Variants in WWOX observed in about 807,000 individuals in gnomAD.
The protein encoded by WWOX is WW domain-containing oxidoreductase.
In WWOX, 69 loss-of-function variants were observed where a neutral mutation model predicts 46.2. The ratio of observed to expected loss-of-function variants is 1.49; its 90% confidence interval spans 1.23 to 1.82. The LOEUF (loss-of-function observed/expected upper bound fraction) is 1.82. Ranked by LOEUF, WWOX falls within the 40% of genes most tolerant of loss-of-function variation. The probability of loss-of-function intolerance (pLI) is 0.00; values close to 1 mark genes in which losing one functional copy is unlikely to be tolerated. For synonymous variants in WWOX, 359 were observed against 202.6 expected (o/e 1.77, Z -6.56); for missense variants, 919 against 542.6 (o/e 1.69, Z -6.89).
chr16:79,043,800 TCTC>T (rs1331461457), intron 8 of WWOX, among the ~76,000 whole-genome samples: 5 of 152,194 alleles, frequency 3.3e-5, no homozygotes, highest in Non-Finnish European at 7.3e-5. Flanking sequence ...TTTGATCTCT[TCTC>T]TGCTAGCTTT....
intron 1 of WWOX, among the ~76,000 whole-genome samples, chr16:78,106,189 T>C (rs2032132073): frequency 6.6e-6 from 1 of 152,224 alleles, no homozygotes; most frequent in South Asian, 2.1e-4. Context: ...CTGCTTTTAA[T>C]GGCAGGCAAG....
intron 8 of WWOX, among the ~76,000 whole-genome samples, chr16:78,586,999 C>T (rs747892063): frequency 6.6e-6 from 1 of 152,038 alleles, no homozygotes; most frequent in African/African-American, 2.4e-5. Context: ...ATTCATGAGG[C>T]AATCTATTTG....
intron 8 of WWOX, among the ~76,000 whole-genome samples, chr16:79,210,874 T>C (rs1488816450): frequency 6.6e-6 from 1 of 152,216 alleles, no homozygotes; most frequent in Admixed American, 6.5e-5. Flanking sequence ...CTGCACTCTT[T>C]GCAACTTACA....
intron 8 of WWOX, among the ~76,000 whole-genome samples, chr16:78,617,901 A>G (rs561760416): frequency 1.3e-5 from 2 of 152,320 alleles, no homozygotes; most frequent in East Asian, 3.9e-4. Context: ...GCATCTTTTC[A>G]TGTGCACATT....
intron 6 of WWOX, among the ~76,000 whole-genome samples, chr16:78,388,453 C>T (rs144885767): frequency 6.6e-6 from 1 of 151,826 alleles, no homozygotes; most frequent in African/African-American, 2.4e-5. Flanking sequence ...CAAGACCATC[C>T]TGGCCAACAT....
intron 5 of WWOX, among the ~76,000 whole-genome samples, chr16:78,344,005 C>T (rs1047516659): frequency 8.4e-6 from 1 of 119,546 alleles, no homozygotes; most frequent in Non-Finnish European, 2.0e-5. Flanking sequence ...CATGCCGGCT[C>T]CTTCCTCCCA....
intron 8 of WWOX, among the ~76,000 whole-genome samples, chr16:78,556,085 C>A (rs1474375818): frequency 6.6e-6 from 1 of 151,980 alleles, no homozygotes; most frequent in African/African-American, 2.4e-5. Context: ...AAGATTCATT[C>A]ATTGTTCCAT....
At chr16:78,891,713 T>C (rs1378109901) in intron 8 of WWOX, 1 of 152,194 alleles carries the variant, frequency 6.6e-6, no homozygotes, top group Non-Finnish European at 1.5e-5. Context: ...TTTTCTAAAT[T>C]GGTCAAGAAA....
At chr16:79,136,856 C>T (rs561715213) in intron 8 of WWOX, among the ~76,000 whole-genome samples, 69 of 152,318 alleles carry the variant, frequency 4.5e-4, no homozygotes, top group Non-Finnish European at 8.2e-4. Flanking sequence ...TATGTGTAAT[C>T]ATATTTGTTA....
chr16:79,161,237 G>A (rs889125553), intron 8 of WWOX, among the ~76,000 whole-genome samples: 1 of 152,034 alleles, frequency 6.6e-6, no homozygotes, highest in Non-Finnish European at 1.5e-5. Flanking sequence ...GGCAAGTGAA[G>A]GTGGTTTCAA....
chr16:78,782,581 A>G (rs966475966), intron 8 of WWOX, among the ~76,000 whole-genome samples: 5 of 152,124 alleles, frequency 3.3e-5, no homozygotes. Context: ...CACCAGCCAA[A>G]GAGGATTCCA....
intron 8 of WWOX, among the ~76,000 whole-genome samples, chr16:78,699,205 C>T (rs1378160642): frequency 6.6e-6 from 1 of 152,186 alleles, no homozygotes; most frequent in Non-Finnish European, 1.5e-5. Flanking sequence ...AGTTTCCCAA[C>T]CTCTGCTTTG....
chr16:78,995,238 A>G (rs970505159), intron 8 of WWOX, among the ~76,000 whole-genome samples: 24 of 151,946 alleles, frequency 1.6e-4, no homozygotes, highest in African/African-American at 5.3e-4. Context: ...CCCATGCCCA[A>G]TCCTTGCACT....
At chr16:79,025,229 C>G (rs905781) in intron 8 of WWOX, among the ~76,000 whole-genome samples, 22,438 of 152,154 alleles carry the variant, frequency 0.15, 1,845 homozygotes, top group East Asian at 0.3. Flanking sequence ...GGGAGATTAG[C>G]TGAGAGGCTC....
intron 6 of WWOX, among the ~76,000 whole-genome samples, chr16:78,416,225 A>G (rs2082794627): frequency 6.6e-6 from 1 of 152,184 alleles, no homozygotes; most frequent in African/African-American, 2.4e-5. Context: ...TAGTCTGTAA[A>G]TATTCATCAT....
chr16:78,994,500 T>C (rs1024358450), intron 8 of WWOX: 1 of 152,234 alleles, frequency 6.6e-6, no homozygotes, highest in Non-Finnish European at 1.5e-5. Flanking sequence ...GAGGTACTTA[T>C]CTGACAAATG....
At chr16:78,172,809 T>C (rs149169690) in intron 5 of WWOX, among the ~76,000 whole-genome samples, 2 of 152,330 alleles carry the variant, frequency 1.3e-5, no homozygotes, top group African/African-American at 4.8e-5. Flanking sequence ...TGAGTTCTTA[T>C]TAAGCAATTT....
At chr16:78,381,107 C>G (rs1026468964) in intron 5 of WWOX, among the ~76,000 whole-genome samples, 11 of 152,150 alleles carry the variant, frequency 7.2e-5, no homozygotes, top group African/African-American at 2.4e-4. Context: ...CAGCCTGGCT[C>G]TGGTGTCTTT....
At chr16:78,431,313 C>T (rs79734822) in intron 7 of WWOX, among the ~76,000 whole-genome samples, 1,726 of 152,232 alleles carry the variant, frequency 0.011, 24 homozygotes, top group African/African-American at 0.04. Context: ...TTCTTTTAAA[C>T]GTATAAGACT....
Sources: allele counts gnomAD v4.1 joint callset (sites outside exome capture counted in the v4.1 genomes callset), GRCh38; gene constraint gnomAD v4.1.1; transcripts MANE v1.5; gene names NCBI Gene and HGNC (gene_info 2026-07-23, HGNC 2026-07-21).